Variants in PTPRG observed in about 807,000 individuals in gnomAD.
PTPRG encodes protein tyrosine phosphatase receptor type G, also known as receptor-type tyrosine-protein phosphatase gamma.
In PTPRG, 102 loss-of-function variants were observed where a neutral mutation model predicts 165.3. The ratio of observed to expected loss-of-function variants is 0.62; its 90% CI spans 0.53 to 0.73. The LOEUF is 0.73. Ranked by LOEUF, PTPRG falls within the 30% of genes least tolerant of loss-of-function variation. PTPRG has a pLI of 0.00. For missense variants in PTPRG, 1,866 were observed against 1,861.4 expected, an observed-to-expected ratio of 1.00 and a Z score of -0.05; for synonymous variants, 675 against 669.5, an observed-to-expected ratio of 1.01 and a Z score of -0.13.
chr3:62,083,327 C>T (rs1194974632), intron 5 of PTPRG, among the ~76,000 whole-genome samples: 3 of 151,644 alleles, frequency 2.0e-5, no homozygotes, highest in African/African-American at 7.3e-5. Flanking sequence ...TCTTGAACTC[C>T]TGGGCTCAAG....
At chr3:61,893,036 T>A (rs2038259979) in intron 2 of PTPRG, among the ~76,000 whole-genome samples, 1 of 152,194 alleles carries the variant, frequency 6.6e-6, no homozygotes, top group Non-Finnish European at 1.5e-5. Flanking sequence ...ATGTAACAGA[T>A]GTTCTTACAT....
At chr3:61,650,831 C>CT (rs2106982534) in intron 1 of PTPRG, among the ~76,000 whole-genome samples, 1 of 152,276 alleles carries the variant, frequency 6.6e-6, no homozygotes, top group African/African-American at 2.4e-5. Flanking sequence ...ATTTGAGGGT[C>CT]TTTTACCACT....
At chr3:61,833,031 T>G (rs2036348693) in intron 2 of PTPRG, among the ~76,000 whole-genome samples, 1 of 152,032 alleles carries the variant, frequency 6.6e-6, no homozygotes, top group Non-Finnish European at 1.5e-5. Flanking sequence ...GTGAATGCCA[T>G]TAGTTCATCC....
chr3:61,621,051 A>ATGTGTGTGTGTGTGTGTG (rs1173192341), intron 1 of PTPRG, among the ~76,000 whole-genome samples: 82 of 117,710 alleles, frequency 7.0e-4, no homozygotes, highest in East Asian at 2.2e-3. Flanking sequence ...ATATATATAT[A>ATGTGTGTGTGTGTGTGTG]TGTGTGTGTG....
chr3:61,899,782 A>G (rs940848681), intron 2 of PTPRG, among the ~76,000 whole-genome samples: 2 of 152,078 alleles, frequency 1.3e-5, no homozygotes, highest in African/African-American at 4.8e-5. Flanking sequence ...AAATGGGGCC[A>G]ATGTGTCAGT....
chr3:62,218,710 G>A, intron 12 of PTPRG, 141 bp from the exon 13 acceptor site: 1 of 1,081,556 alleles, frequency 9.2e-7, no homozygotes, highest in Non-Finnish European at 1.3e-6. Context: ...GCTGCGGATT[G>A]CCCCTCCTGT....
chr3:61,608,280 A>T (rs1026127681), intron 1 of PTPRG, among the ~76,000 whole-genome samples: 4 of 152,208 alleles, frequency 2.6e-5, no homozygotes, highest in Non-Finnish European at 4.4e-5. Flanking sequence ...AAGCTGAGCC[A>T]CTAGGGAGAA....
At chr3:61,746,163 C>T (rs1229120812) in intron 1 of PTPRG, among the ~76,000 whole-genome samples, 1 of 150,518 alleles carries the variant, frequency 6.6e-6, no homozygotes, top group Admixed American at 6.6e-5. Context: ...CCACCTCAGC[C>T]AGCCAAGTAG....
chr3:61,890,561 T>A (rs1279334015), intron 2 of PTPRG, among the ~76,000 whole-genome samples: 2 of 152,100 alleles, frequency 1.3e-5, no homozygotes, highest in Non-Finnish European at 2.9e-5. Context: ...GCAGCTATTT[T>A]TATAATAATG....
chr3:61,884,979 C>T (rs2037988541), intron 2 of PTPRG, among the ~76,000 whole-genome samples: 2 of 152,072 alleles, frequency 1.3e-5, no homozygotes, highest in South Asian at 2.1e-4. Flanking sequence ...GTTCTCCTGC[C>T]CAGAGTCGCT....
At chr3:62,033,219 C>T (rs984316110) in intron 4 of PTPRG, among the ~76,000 whole-genome samples, 8 of 152,098 alleles carry the variant, frequency 5.3e-5, no homozygotes, top group Non-Finnish European at 8.8e-5. Context: ...TACTTTCCTG[C>T]TTTGTCCTAC....
chr3:61,936,654 C>T (rs1189080032), intron 2 of PTPRG, among the ~76,000 whole-genome samples: 1 of 152,114 alleles, frequency 6.6e-6, no homozygotes, highest in African/African-American at 2.4e-5. Context: ...CAATTTTTTC[C>T]TTAACATGTC....
rs1194113686 is a variant in PTPRG, at chr3:62,150,228, G to A, written c.683-6839G>A. ...GTAATGAAGAAATGTTCTGGACAGAGTGAAGAGCCAGTGCAAAGGCCCTGG... is the reference window on the plus strand; with the variant it reads ...GTAATGAAGAAATGTTCTGGACAGAATGAAGAGCCAGTGCAAAGGCCCTGG... On this transcript the variant is annotated intron_variant, in intron 6 of 29. Transcript: ENST00000474889. Among the ~76,000 whole-genome samples the A allele has an allele frequency of 2.0e-5, 3 of 152,352 alleles. No homozygotes were observed. The South Asian group carries it at 6.2e-4, about 32-fold the overall frequency.
rs1703012302 is a variant in PTPRG, at chr3:62,294,900, G to T, written c.*1593G>T. On this transcript the variant is annotated 3_prime_UTR_variant, in exon 30 of 30. Transcript: ENST00000474889. The stretch of plus-strand genomic sequence containing the variant: ...AACATTAATGATGATCAGCACTGAG[G>T]TTCTATTTATCTTGATTTGGCTTTC... 1 of 152,092 alleles carries T rather than the reference G, an allele frequency of 6.6e-6. No homozygotes were observed. Among genetic ancestry groups the T allele is most frequent in the Non-Finnish European group, 1.5e-5 (1 of 68,008 alleles). 9.4% of individuals were successfully genotyped at this position (152,092 alleles called of 1,614,324 possible). A position where few individuals can be genotyped will look rare whatever the true frequency, so the allele number is the denominator to read the frequency against.
chr3:62,099,956 G>C (rs1702234801), intron 5 of PTPRG, among the ~76,000 whole-genome samples: 1 of 151,864 alleles, frequency 6.6e-6, no homozygotes, highest in South Asian at 2.1e-4. Context: ...GCACCACCAA[G>C]CCCGGCTAAT....
chr3:61,967,166 G>C (rs1191056137), intron 2 of PTPRG, among the ~76,000 whole-genome samples: 1 of 152,196 alleles, frequency 6.6e-6, no homozygotes, highest in Non-Finnish European at 1.5e-5. Flanking sequence ...GTCTAGGCCT[G>C]ACCTGGACCA....
chr3:61,825,708 G>C (rs1465971342), intron 2 of PTPRG, among the ~76,000 whole-genome samples: 1 of 151,984 alleles, frequency 6.6e-6, no homozygotes, highest in Non-Finnish European at 1.5e-5. Context: ...GTAGAGATAG[G>C]ATCACAGCTC....
chr3:62,208,146 C>A (rs1007170515), intron 12 of PTPRG, among the ~76,000 whole-genome samples: 4 of 152,286 alleles, frequency 2.6e-5, no homozygotes, highest in African/African-American at 9.6e-5. Context: ...TCCTGAGAAG[C>A]CTTTCAGAAG....
chr3:62,079,278 A>T (rs1701490290), intron 5 of PTPRG, among the ~76,000 whole-genome samples: 1 of 152,182 alleles, frequency 6.6e-6, no homozygotes, highest in South Asian at 2.1e-4. Context: ...AAAGGCTCAA[A>T]TGAGAGATCA....
Sources: allele counts gnomAD v4.1 joint callset (sites outside exome capture counted in the v4.1 genomes callset), GRCh38; gene constraint gnomAD v4.1.1; transcripts MANE v1.5; gene names NCBI Gene and HGNC (gene_info 2026-07-23, HGNC 2026-07-21).